ARHGAP6: variants seen among roughly 807,000 people sequenced by gnomAD.
ARHGAP6 encodes the protein rho GTPase-activating protein 6.
ARHGAP6 carries 16 observed loss-of-function variants against 55.7 expected under a neutral mutation model. The ratio of observed to expected loss-of-function variants is 0.29; its 90% confidence interval spans 0.19 to 0.44. The LOEUF is 0.44. ARHGAP6 is among the 20% of genes least tolerant of loss of function. ARHGAP6 has a pLI of 1.00. For missense variants in ARHGAP6, 698 were observed against 808.9 expected (o/e 0.86, Z 1.66); for synonymous variants, 382 against 360.9 (o/e 1.06, Z -0.66).
intron 1 of ARHGAP6, among the ~76,000 whole-genome samples, chrX:11,618,208 G>A (rs912165924): frequency 3.6e-5 from 4 of 111,348 alleles, no homozygotes; most frequent in African/African-American, 6.5e-5. Flanking sequence ...CAGAATAAAC[G>A]AAGTACTGCA....
chrX:11,296,846 A>G (rs1830314184), intron 1 of ARHGAP6: 11 of 1,203,475 alleles, frequency 9.1e-6, no homozygotes, highest in Non-Finnish European at 1.2e-5. Flanking sequence ...CTCTTTACTA[A>G]TTTTGACCAT....
At chrX:11,614,590 G>T (rs1201518812) in intron 1 of ARHGAP6, among the ~76,000 whole-genome samples, 1 of 111,727 alleles carries the variant, frequency 9.0e-6, no homozygotes, top group African/African-American at 3.3e-5. Context: ...TAACACTGGG[G>T]ATTAACAATT....
chrX:11,230,431 C>T (rs2047111773), intron 2 of ARHGAP6, among the ~76,000 whole-genome samples: 1 of 111,203 alleles, frequency 9.0e-6, no homozygotes, highest in Non-Finnish European at 1.9e-5. Context: ...CTCTTGACCT[C>T]GTGATCTGCC....
intron 2 of ARHGAP6, among the ~76,000 whole-genome samples, chrX:11,215,013 G>A (rs2046859775): frequency 8.8e-6 from 1 of 113,521 alleles, no homozygotes; most frequent in Non-Finnish European, 1.9e-5. Flanking sequence ...GCAAGGCCCT[G>A]AGGGCAGGCC....
intron 10 of ARHGAP6, chrX:11,145,159 A>C (rs754991782): frequency 8.8e-6 from 1 of 113,009 alleles, no homozygotes; most frequent in African/African-American, 3.2e-5. Context: ...TAAAAGTTCC[A>C]GAACCTACAT....
chrX:11,572,848 CTGT>C (rs2051542749), intron 1 of ARHGAP6, among the ~76,000 whole-genome samples: 1 of 111,453 alleles, frequency 9.0e-6, no homozygotes, highest in African/African-American at 3.3e-5. Flanking sequence ...TCTCCAGCAC[CTGT>C]TGTTTCCTGA....
intron 1 of ARHGAP6, among the ~76,000 whole-genome samples, chrX:11,645,971 A>C (rs899921431): frequency 1.8e-5 from 2 of 110,918 alleles, no homozygotes; most frequent in Admixed American, 1.9e-4. Flanking sequence ...GAAAGTAGTT[A>C]GAAGGTCCAG....
At chrX:11,271,402 T>C (rs1163871780) in intron 1 of ARHGAP6, among the ~76,000 whole-genome samples, 2 of 111,987 alleles carry the variant, frequency 1.8e-5, no homozygotes, top group Non-Finnish European at 3.8e-5. Flanking sequence ...TGAATTCCTT[T>C]CCACTTTCTC....
intron 1 of ARHGAP6, among the ~76,000 whole-genome samples, chrX:11,511,375 G>A (rs5979408): frequency 0.19 from 20,639 of 111,471 alleles, 1,584 homozygotes; most frequent in Middle Eastern, 0.32. Context: ...ACTTTATACC[G>A]ATTGATACTG....
intron 1 of ARHGAP6, among the ~76,000 whole-genome samples, chrX:11,523,548 A>T (rs2050957372): frequency 8.9e-6 from 1 of 112,168 alleles, no homozygotes; most frequent in Non-Finnish European, 1.9e-5. Context: ...CTCAGGATAC[A>T]AAATCAATGT....
At chrX:11,441,912 G>T (rs758683031) in intron 1 of ARHGAP6, among the ~76,000 whole-genome samples, 31 of 106,755 alleles carry the variant, frequency 2.9e-4, no homozygotes, top group East Asian at 1.5e-3. Context: ...AAAATCTCAT[G>T]AATTTCTACA....
chrX:11,652,086 G>A (rs779295391), intron 1 of ARHGAP6, among the ~76,000 whole-genome samples: 2 of 112,185 alleles, frequency 1.8e-5, no homozygotes, highest in South Asian at 7.4e-4. Flanking sequence ...TCTGTAGGCT[G>A]TTTACTGTGT....
At chrX:11,439,872 A>G (rs1260230147) in intron 1 of ARHGAP6, among the ~76,000 whole-genome samples, 1 of 113,034 alleles carries the variant, frequency 8.8e-6, no homozygotes, top group Non-Finnish European at 1.9e-5. Flanking sequence ...GTAACTAAAA[A>G]CAATGTTCCC....
chrX:11,399,370 A>G (rs1409438799), intron 1 of ARHGAP6, among the ~76,000 whole-genome samples: 1 of 109,077 alleles, frequency 9.2e-6, no homozygotes, highest in East Asian at 2.8e-4. Context: ...AAAAAAAAAA[A>G]AAAAAAACCA....
At chrX:11,518,818 T>C (rs1279997508) in intron 1 of ARHGAP6, among the ~76,000 whole-genome samples, 1 of 69,438 alleles carries the variant, frequency 1.4e-5, no homozygotes, top group Non-Finnish European at 2.5e-5. Context: ...CAGAGTGTGA[T>C]ATTCCCCTTC....
At chrX:11,345,434 C>T (rs1323431765) in intron 1 of ARHGAP6, among the ~76,000 whole-genome samples, 2 of 112,383 alleles carry the variant, frequency 1.8e-5, no homozygotes, top group Non-Finnish European at 3.8e-5. Context: ...CAAATGTTAA[C>T]AGTTACTAAA....
At chrX:11,523,184 G>A (rs1473372731) in intron 1 of ARHGAP6, among the ~76,000 whole-genome samples, 1 of 111,439 alleles carries the variant, frequency 9.0e-6, no homozygotes, top group Non-Finnish European at 1.9e-5. Flanking sequence ...AAATTCAACA[G>A]CCCTTCATGC....
chrX:11,468,315 T>C lies in ARHGAP6; in HGVS notation c.588+195926A>G, dbSNP rs143904738. 3.6e-4 allele frequency among the ~76,000 whole-genome samples: 41 copies of C among 112,416 alleles called. No individual in the cohort carries two copies. The East Asian group carries it at 0.011, about 31-fold the overall frequency. ...AACAGTTTCAAAGGTAGATTAAGCA[T>C]AGCTGAATCAGTAACCTGGATGATA... On this transcript the variant is annotated intron_variant, in intron 1 of 12. Transcript: ENST00000337414.
intron 8 of ARHGAP6, among the ~76,000 whole-genome samples, chrX:11,174,569 C>T (rs867721379): frequency 0.035 from 2,059 of 58,342 alleles, 55 homozygotes; most frequent in African/African-American, 0.051. Flanking sequence ...TTCCTTCCTT[C>T]CTTCCTTTCT....
Sources: gnomAD v4.1 joint callset for allele counts (sites outside exome capture counted in the v4.1 genomes callset) on GRCh38, gnomAD v4.1.1 for gene constraint, MANE v1.5 for transcripts, NCBI Gene and HGNC (gene_info 2026-07-23, HGNC 2026-07-21) for gene names.